Variants in CCSER1 observed in about 807,000 individuals in gnomAD.
The protein encoded by CCSER1 is serine-rich coiled-coil domain-containing protein 1.
Under a neutral mutation model 82.0 loss-of-function variants are expected in CCSER1, and 41 were observed. The ratio of observed to expected loss-of-function variants is 0.50; its 90% confidence interval spans 0.39 to 0.65. CCSER1 has a LOEUF of 0.65. Among genes scored for constraint, CCSER1 ranks in the 30% least tolerant of loss-of-function variants. The pLI is 0.00. For synonymous variants in CCSER1, 414 were observed against 383.9 expected (o/e 1.08, Z -0.92); for missense variants, 1,119 against 1,064.2 (o/e 1.05, Z -0.72).
At chr4:91,148,691 G>A (rs978320831) in intron 10 of CCSER1, among the ~76,000 whole-genome samples, 4 of 152,080 alleles carry the variant, frequency 2.6e-5, no homozygotes, top group African/African-American at 9.7e-5. Context: ...GTGTCCAAAT[G>A]TTCTCATTGT....
At chr4:91,287,500 T>A (rs1743373396) in intron 10 of CCSER1, among the ~76,000 whole-genome samples, 2 of 152,106 alleles carry the variant, frequency 1.3e-5, no homozygotes, top group East Asian at 1.9e-4. Context: ...GGACCAAGCT[T>A]CCACAGTAGT....
chr4:91,012,838 G>T (rs1228371387), intron 9 of CCSER1, among the ~76,000 whole-genome samples: 3 of 133,798 alleles, frequency 2.2e-5, no homozygotes, highest in African/African-American at 7.5e-5. Context: ...TGAAAGGACT[G>T]CAGGGGTCCC....
At chr4:91,468,366 G>C (rs1487736409) in intron 10 of CCSER1, among the ~76,000 whole-genome samples, 1 of 152,062 alleles carries the variant, frequency 6.6e-6, no homozygotes, top group Non-Finnish European at 1.5e-5. Context: ...TGTGCAGGGA[G>C]GGGAGAGGGA....
At chr4:91,232,528 G>C (rs1368657001) in intron 10 of CCSER1, among the ~76,000 whole-genome samples, 1 of 151,712 alleles carries the variant, frequency 6.6e-6, no homozygotes, top group Non-Finnish European at 1.5e-5. Flanking sequence ...ATACAACTAT[G>C]CCTATAATAA....
In CCSER1 at chr4:91,134,442, CA is replaced by C. The variant is rs201646311; in HGVS notation, c.2217+48455del. Among the ~76,000 whole-genome samples, 1,415 of 150,134 alleles carry C rather than the reference CA, an allele frequency of 9.4e-3. 18 individuals carry two copies. Among genetic ancestry groups the C allele is most frequent in the African/African-American group, 0.033 (1,325 of 40,328 alleles). ...TCTACAAAAAAAAAACAAAAACAAA[CA>C]AAAAAACAAAATAATCTTCAGATAA... On this transcript the variant is annotated intron_variant, in intron 10 of 10. Coordinates refer to ENST00000509176, the MANE Select transcript of CCSER1 (RefSeq NM_001145065.2).
At chr4:90,975,500 G>T (rs534127373) in intron 9 of CCSER1, among the ~76,000 whole-genome samples, 2 of 151,094 alleles carry the variant, frequency 1.3e-5, no homozygotes, top group African/African-American at 4.9e-5. Context: ...GAATTTTATG[G>T]TATGTGATTT....
intron 10 of CCSER1, among the ~76,000 whole-genome samples, chr4:91,574,829 C>T (rs1328064632): frequency 2.0e-5 from 3 of 151,832 alleles, no homozygotes; most frequent in African/African-American, 7.3e-5. Flanking sequence ...AATCCCAAAC[C>T]TTAGCATCAC....
intron 5 of CCSER1, among the ~76,000 whole-genome samples, chr4:90,495,142 T>G (rs1400114192): frequency 1.3e-5 from 2 of 152,206 alleles, no homozygotes; most frequent in African/African-American, 4.8e-5. Flanking sequence ...TGTAACAGTT[T>G]GTATGAACAC....
chr4:91,346,801 A>T (rs2149294130), intron 10 of CCSER1, among the ~76,000 whole-genome samples: 1 of 152,272 alleles, frequency 6.6e-6, no homozygotes, highest in African/African-American at 2.4e-5. Flanking sequence ...GTGTCTATAG[A>T]TAACTTTTGC....
intron 10 of CCSER1, among the ~76,000 whole-genome samples, chr4:91,304,701 A>G (rs1003183162): frequency 5.3e-5 from 8 of 152,038 alleles, no homozygotes; most frequent in Admixed American, 2.0e-4. Context: ...TCAGATGCTT[A>G]CTTGGACACA....
At chr4:90,202,348 A>G (rs1197769050) in intron 1 of CCSER1, among the ~76,000 whole-genome samples, 1 of 151,972 alleles carries the variant, frequency 6.6e-6, no homozygotes, top group Non-Finnish European at 1.5e-5. Flanking sequence ...GATTACAGGC[A>G]CCCGTCACCA....
intron 5 of CCSER1, among the ~76,000 whole-genome samples, chr4:90,624,117 T>C (rs954451085): frequency 7.2e-5 from 11 of 152,224 alleles, no homozygotes; most frequent in Admixed American, 6.5e-4. Context: ...CTTACTTTTC[T>C]GTTCTTTGGA....
chr4:90,265,525 T>C (rs1471369413), intron 1 of CCSER1, among the ~76,000 whole-genome samples: 4 of 151,932 alleles, frequency 2.6e-5, no homozygotes, highest in Admixed American at 6.6e-5. Context: ...CTTAAAGATA[T>C]TTCTGTCCAC....
At chr4:91,353,036 A>G (rs943419695) in intron 10 of CCSER1, among the ~76,000 whole-genome samples, 1 of 152,188 alleles carries the variant, frequency 6.6e-6, no homozygotes, top group African/African-American at 2.4e-5. Flanking sequence ...ACAAGAATGG[A>G]GAGAAGGAAT....
chr4:90,710,885 T>C (rs1389940829), intron 6 of CCSER1, among the ~76,000 whole-genome samples: 1 of 152,070 alleles, frequency 6.6e-6, no homozygotes, highest in East Asian at 1.9e-4. Flanking sequence ...CATGGTTTAA[T>C]GGGAATAGCA....
chr4:91,001,680 ATAGT>A (rs917753717), intron 9 of CCSER1, among the ~76,000 whole-genome samples: 4 of 152,206 alleles, frequency 2.6e-5, no homozygotes, highest in South Asian at 2.1e-4. Flanking sequence ...AGAGCAACAG[ATAGT>A]TGGTTGGTGA....
chr4:91,011,629 C>G lies in CCSER1; in HGVS notation c.2173-74321C>G, dbSNP rs1217396620. On this transcript the variant is annotated intron_variant, in intron 9 of 10. Coordinates refer to ENST00000509176, the MANE Select transcript of CCSER1 (RefSeq NM_001145065.2). ...GTCTATGACACTGAACCCTGAGGAACAGGGCAACAACTTTGGCTCAGTTCT... is the reference window on the plus strand; with the variant it reads ...GTCTATGACACTGAACCCTGAGGAAGAGGGCAACAACTTTGGCTCAGTTCT... 1.5e-5 allele frequency among the ~76,000 whole-genome samples: 2 copies of G among 134,480 alleles called. 1 individual carries two copies. The highest frequency in any genetic ancestry group is 5.0e-5 in the African/African-American group (2 of 40,334). The allele number at this position is 134,480 out of a possible 152,430, so 88.2% of individuals were successfully genotyped here. A position where few individuals can be genotyped will look rare whatever the true frequency, so the allele number is the denominator to read the frequency against.
At chr4:90,193,274 G>A (rs149917318) in intron 1 of CCSER1, among the ~76,000 whole-genome samples, 45 of 152,170 alleles carry the variant, frequency 3.0e-4, no homozygotes, top group African/African-American at 1.1e-3. Flanking sequence ...CAGACCTCAA[G>A]TGCATAACAG....
At chr4:90,427,051 G>A (rs1337474970) in intron 4 of CCSER1, among the ~76,000 whole-genome samples, 4 of 151,978 alleles carry the variant, frequency 2.6e-5, no homozygotes, top group Admixed American at 6.6e-5. Context: ...ACTTATCAAA[G>A]ACAGCTTCCT....
Sources: allele counts gnomAD v4.1 joint callset (sites outside exome capture counted in the v4.1 genomes callset), GRCh38; gene constraint gnomAD v4.1.1; transcripts MANE v1.5; gene names NCBI Gene and HGNC (gene_info 2026-07-23, HGNC 2026-07-21).